The following LRRTM4 variants were observed in gnomAD, a reference collection of about 807,000 sequenced individuals.
LRRTM4 encodes the protein leucine-rich repeat transmembrane neuronal protein 4.
A neutral mutation model predicts 47.6 loss-of-function variants in LRRTM4; 25 were observed. That is an observed-to-expected ratio of 0.53 (90% CI 0.38 to 0.73). LRRTM4 has a LOEUF of 0.73. LRRTM4 is among the 30% of genes least tolerant of loss of function. LRRTM4 has a pLI of 0.00. For synonymous variants in LRRTM4, 311 were observed against 269.5 expected (o/e 1.15, Z -1.51); for missense variants, 638 against 713.4 (o/e 0.89, Z 1.20).
At chr2:76,995,535 A>G (rs932349288) in intron 3 of LRRTM4, among the ~76,000 whole-genome samples, 2 of 151,938 alleles carry the variant, frequency 1.3e-5, no homozygotes, top group African/African-American at 4.8e-5. Flanking sequence ...GGGGGAGGCA[A>G]ACGGGGGACT....
chr2:76,995,165 GAAT>G (rs1296168921), intron 3 of LRRTM4, among the ~76,000 whole-genome samples: 2 of 151,956 alleles, frequency 1.3e-5, no homozygotes, highest in East Asian at 3.9e-4. Flanking sequence ...GAAAGGTAAG[GAAT>G]AATTACGAAT....
chr2:76,927,815 C>T (rs1674637537), intron 3 of LRRTM4, among the ~76,000 whole-genome samples: 1 of 152,104 alleles, frequency 6.6e-6, no homozygotes, highest in Non-Finnish European at 1.5e-5. Context: ...AGGCTCTCAA[C>T]ATTGAGACAG....
intron 3 of LRRTM4, among the ~76,000 whole-genome samples, chr2:77,258,951 T>C (rs1675842645): frequency 6.6e-6 from 1 of 151,994 alleles, no homozygotes; most frequent in African/African-American, 2.4e-5. Context: ...AATATCTTAA[T>C]ATTTAAAGAA....
At chr2:77,162,892 A>C (rs1383450471) in intron 3 of LRRTM4, among the ~76,000 whole-genome samples, 1 of 152,192 alleles carries the variant, frequency 6.6e-6, no homozygotes, top group Admixed American at 6.5e-5. Context: ...AAAAGCTGAA[A>C]ATTTTAAAAA....
chr2:77,417,510 C>T (rs1021786559), intron 3 of LRRTM4, among the ~76,000 whole-genome samples: 43 of 152,128 alleles, frequency 2.8e-4, no homozygotes, highest in African/African-American at 9.9e-4. Context: ...CAACAATGAT[C>T]GACTGGATTA....
chr2:77,506,622 A>G (rs1395955574), intron 3 of LRRTM4, among the ~76,000 whole-genome samples: 3 of 151,890 alleles, frequency 2.0e-5, no homozygotes, highest in African/African-American at 7.2e-5. Flanking sequence ...CTCTTACACA[A>G]TGCATGTGGT....
At chr2:77,027,787 A>C (rs17406374) in intron 3 of LRRTM4, among the ~76,000 whole-genome samples, 18,832 of 152,136 alleles carry the variant, frequency 0.12, 1,442 homozygotes, top group Admixed American at 0.19. Flanking sequence ...TGAGCATTAC[A>C]TTAATTATAG....
At chr2:77,065,734 C>G (rs1045583885) in intron 3 of LRRTM4, among the ~76,000 whole-genome samples, 2 of 152,066 alleles carry the variant, frequency 1.3e-5, no homozygotes, top group African/African-American at 2.4e-5. Context: ...AAGCCAGGAG[C>G]CTTTGTTAAT....
intron 3 of LRRTM4, among the ~76,000 whole-genome samples, chr2:77,266,767 C>T (rs6729064): frequency 6.6e-6 from 1 of 152,014 alleles, no homozygotes; most frequent in Non-Finnish European, 1.5e-5. Flanking sequence ...GGGCTTCAGA[C>T]TGCAGGACTT....
intron 3 of LRRTM4, among the ~76,000 whole-genome samples, chr2:76,950,399 CAT>C (rs532772644): frequency 1.8e-3 from 275 of 152,014 alleles, no homozygotes; most frequent in Middle Eastern, 3.4e-3. Flanking sequence ...CTTAACAAAG[CAT>C]ATGTCAGAAA....
At chr2:76,827,835 A>T (rs1671230671) in intron 3 of LRRTM4, among the ~76,000 whole-genome samples, 1 of 151,826 alleles carries the variant, frequency 6.6e-6, no homozygotes. Flanking sequence ...TCTTCTAGGG[A>T]ACTAGATGGT....
chr2:77,217,830 A>G (rs943936399), intron 3 of LRRTM4, among the ~76,000 whole-genome samples: 1 of 152,140 alleles, frequency 6.6e-6, no homozygotes, highest in Non-Finnish European at 1.5e-5. Context: ...TGGAACATTC[A>G]TATCTTATAT....
At chr2:76,884,302 A>G (rs1309016018) in intron 3 of LRRTM4, among the ~76,000 whole-genome samples, 1 of 152,166 alleles carries the variant, frequency 6.6e-6, no homozygotes, top group Admixed American at 6.5e-5. Context: ...CAAGTCATGG[A>G]GCTAATTATT....
At position 77,139,977 on chromosome 2, in the gene LRRTM4, AC is replaced by A. The variant is rs569206016; in HGVS notation, c.1551+378340del. ...CCACTTCTCAATGAAATAAAAGAGG[AC>A]CCCAAAAAATCGAAGAACATTCCAT... On this transcript the variant is annotated intron_variant, in intron 3 of 3. Coordinates refer to ENST00000409884, the MANE Select transcript of LRRTM4 (RefSeq NM_001134745.3). Among the ~76,000 whole-genome samples the A allele has an allele frequency of 2.0e-4, 30 of 152,304 alleles. No homozygotes were observed. The East Asian group carries it at 5.8e-3, about 29-fold the overall frequency.
intron 3 of LRRTM4, among the ~76,000 whole-genome samples, chr2:76,820,143 C>A (rs1046103526): frequency 1.3e-5 from 2 of 151,914 alleles, no homozygotes; most frequent in African/African-American, 4.8e-5. Flanking sequence ...GGTCATGCAA[C>A]TATGATGAAA....
chr2:77,408,186 CA>C (rs971402214), intron 3 of LRRTM4, among the ~76,000 whole-genome samples: 1 of 152,150 alleles, frequency 6.6e-6, no homozygotes, highest in African/African-American at 2.4e-5. Context: ...TCCTGCCCCC[CA>C]GGGGGAGTGC....
At chr2:76,830,181 C>T (rs1164578696) in intron 3 of LRRTM4, among the ~76,000 whole-genome samples, 2 of 152,010 alleles carry the variant, frequency 1.3e-5, no homozygotes, top group Non-Finnish European at 2.9e-5. Context: ...ATCTTAGCAA[C>T]TCCAGATTCT....
At position 77,444,944 on chromosome 2, in the gene LRRTM4, CACACAT is replaced by C. The variant is rs1445719630; in HGVS notation, c.1551+73368_1551+73373del. On this transcript the variant is annotated intron_variant, in intron 3 of 3. Transcript: ENST00000409884. ...GTCTCCTTTATTTTACACACACACA[CACACAT>C]ACACACACACACACACACACGATCC... is the stretch of plus-strand genomic sequence containing the variant. Among the ~76,000 whole-genome samples the C allele has an allele frequency of 3.5e-3, 409 of 118,150 alleles. 2 individuals are homozygous for C. The highest frequency in any genetic ancestry group is 0.023 in the South Asian group (72 of 3,122). 77.5% of individuals were successfully genotyped at this position (118,150 alleles called of 152,430 possible).
chr2:76,956,881 C>G (rs1675692430), intron 3 of LRRTM4, among the ~76,000 whole-genome samples: 1 of 151,250 alleles, frequency 6.6e-6, no homozygotes, highest in South Asian at 2.1e-4. Flanking sequence ...ACCACCCAGA[C>G]TGAATTACAA....
Sources: allele counts gnomAD v4.1 joint callset (sites outside exome capture counted in the v4.1 genomes callset), GRCh38; gene constraint gnomAD v4.1.1; transcripts MANE v1.5; gene names NCBI Gene and HGNC (gene_info 2026-07-23, HGNC 2026-07-21).